The following PTPRD variants were observed in gnomAD, a reference collection of about 807,000 sequenced individuals.
The protein encoded by PTPRD is receptor-type tyrosine-protein phosphatase delta.
Under a neutral mutation model 214.5 loss-of-function variants are expected in PTPRD, and 34 were observed. That is an observed-to-expected ratio of 0.16 (90% CI 0.12 to 0.21). PTPRD has a LOEUF of 0.21. Among genes scored for constraint, PTPRD ranks in the 10% least tolerant of loss-of-function variants. PTPRD has a pLI of 1.00. For missense variants in PTPRD, 2,545 were observed against 2,398.7 expected, an observed-to-expected ratio of 1.06 and a Z score of -1.27; for synonymous variants, 1,128 against 845.7, an observed-to-expected ratio of 1.33 and a Z score of -5.79.
chr9:9,351,766 G>A (rs150337755), intron 9 of PTPRD, among the ~76,000 whole-genome samples: 9 of 152,140 alleles, frequency 5.9e-5, no homozygotes, highest in African/African-American at 1.2e-4. Flanking sequence ...GGTCAGGAGC[G>A]TAGGCTATGG....
intron 5 of PTPRD, among the ~76,000 whole-genome samples, chr9:9,892,841 T>G (rs1219405093): frequency 6.6e-6 from 1 of 152,004 alleles, no homozygotes. Context: ...TTAAAAAGAC[T>G]TAAAGAGGTA....
At chr9:9,420,997 T>C (rs2142486455) in intron 8 of PTPRD, among the ~76,000 whole-genome samples, 1 of 152,100 alleles carries the variant, frequency 6.6e-6, no homozygotes, top group East Asian at 1.9e-4. Context: ...TGGTTGTGCA[T>C]GCCTTGTCCA....
At chr9:10,459,949 A>G (rs1406186589) in intron 2 of PTPRD, among the ~76,000 whole-genome samples, 1 of 152,082 alleles carries the variant, frequency 6.6e-6, no homozygotes, top group Non-Finnish European at 1.5e-5. Flanking sequence ...TATGGCAAAT[A>G]TATATAACAT....
intron 8 of PTPRD, among the ~76,000 whole-genome samples, chr9:9,482,516 G>C (rs765887850): frequency 1.3e-5 from 2 of 152,134 alleles, no homozygotes; most frequent in Non-Finnish European, 2.9e-5. Context: ...AGATACTTGA[G>C]AAGAGGGGAG....
At chr9:9,661,152 C>T (rs1035196858) in intron 7 of PTPRD, among the ~76,000 whole-genome samples, 8 of 151,862 alleles carry the variant, frequency 5.3e-5, no homozygotes, top group Non-Finnish European at 1.2e-4. Context: ...CCATATATTT[C>T]CAATGAGAGG....
chr9:8,920,658 G>A (rs1205758238), intron 11 of PTPRD, among the ~76,000 whole-genome samples: 1 of 152,178 alleles, frequency 6.6e-6, no homozygotes, highest in South Asian at 2.1e-4. Flanking sequence ...CACATTCAAA[G>A]CCATCCTAGA....
intron 11 of PTPRD, among the ~76,000 whole-genome samples, chr9:8,766,295 C>T (rs1259962606): frequency 2.6e-5 from 4 of 151,966 alleles, no homozygotes; most frequent in Non-Finnish European, 2.9e-5. Flanking sequence ...TTTCCTCCCA[C>T]ATCCTAAACA....
chr9:8,479,527 TA>T (rs1483446842), intron 30 of PTPRD, among the ~76,000 whole-genome samples: 1 of 151,840 alleles, frequency 6.6e-6, no homozygotes, highest in African/African-American at 2.4e-5. Context: ...AGTGCATAAA[TA>T]AAACAAAAAA....
At chr9:10,497,244 T>C (rs2042338821) in intron 2 of PTPRD, among the ~76,000 whole-genome samples, 1 of 152,000 alleles carries the variant, frequency 6.6e-6, no homozygotes, top group Non-Finnish European at 1.5e-5. Context: ...AACTTCAGCA[T>C]CATGCAACAT....
intron 7 of PTPRD, among the ~76,000 whole-genome samples, chr9:9,721,818 A>G (rs1416864018): frequency 6.6e-6 from 1 of 152,290 alleles, no homozygotes; most frequent in Non-Finnish European, 1.5e-5. Flanking sequence ...AAAAATTAAC[A>G]GCACTGAATC....
chr9:9,279,342 T>TTA (rs113014721), intron 9 of PTPRD, among the ~76,000 whole-genome samples: 33,653 of 145,018 alleles, frequency 0.23, 4,276 homozygotes, highest in Middle Eastern at 0.37. Flanking sequence ...ATACCTAAAT[T>TTA]TATATATATA....
intron 4 of PTPRD, among the ~76,000 whole-genome samples, chr9:9,998,446 C>G (rs546818303): frequency 6.6e-6 from 1 of 152,046 alleles, no homozygotes; most frequent in East Asian, 1.9e-4. Flanking sequence ...CAGGCCTCTC[C>G]CCTTCCCATA....
intron 8 of PTPRD, among the ~76,000 whole-genome samples, chr9:9,419,420 C>T (rs1180272992): frequency 6.6e-6 from 1 of 151,578 alleles, no homozygotes; most frequent in Non-Finnish European, 1.5e-5. Context: ...GACTCTTCAA[C>T]AGTTTTATTT....
chr9:8,936,009 G>C (rs886298975), intron 11 of PTPRD: 2 of 152,152 alleles, frequency 1.3e-5, no homozygotes, highest in African/African-American at 2.4e-5. Context: ...TACATGGCTT[G>C]ACATTTTTTC....
chr9:8,477,266 A>G (rs1180947164), intron 30 of PTPRD, among the ~76,000 whole-genome samples: 1 of 152,212 alleles, frequency 6.6e-6, no homozygotes, highest in Non-Finnish European at 1.5e-5. Flanking sequence ...TTAAAGTAAT[A>G]GAAAAATAAA....
chr9:9,209,201 T>G (rs1343376680), intron 9 of PTPRD, among the ~76,000 whole-genome samples: 1 of 152,148 alleles, frequency 6.6e-6, no homozygotes, highest in Non-Finnish European at 1.5e-5. Context: ...TATTCCTAAT[T>G]AGCAATTTGT....
chr9:9,243,873 T>C (rs968544460), intron 9 of PTPRD, among the ~76,000 whole-genome samples: 20 of 152,186 alleles, frequency 1.3e-4, no homozygotes, highest in African/African-American at 4.6e-4. Context: ...GGTGACATGA[T>C]TGTATATCTA....
intron 9 of PTPRD, among the ~76,000 whole-genome samples, chr9:9,248,376 G>A (rs1232879166): frequency 3.3e-5 from 5 of 152,188 alleles, no homozygotes; most frequent in South Asian, 2.1e-4. Context: ...TTACAGGCAT[G>A]AGCCACCGTG....
chr9:9,787,699 A>T lies in PTPRD; in HGVS notation c.-367-20848T>A, dbSNP rs144454193. On this transcript the variant is annotated intron_variant, in intron 5 of 45. Transcript: ENST00000381196. ...TACTACAAAAGGTCAGAGACCTGAG[A>T]AAGATTAAAGACACAAAAGAAATGA... is the stretch of plus-strand genomic sequence containing the variant. 2.4e-3 allele frequency among the ~76,000 whole-genome samples: 368 copies of T among 152,032 alleles called. 1 individual carries two copies. Among genetic ancestry groups the T allele is most frequent in the Non-Finnish European group, 2.8e-3 (191 of 67,982 alleles).
Sources: allele counts gnomAD v4.1 joint callset (sites outside exome capture counted in the v4.1 genomes callset), GRCh38; gene constraint gnomAD v4.1.1; transcripts MANE v1.5; gene names NCBI Gene and HGNC (gene_info 2026-07-23, HGNC 2026-07-21).